The following RGS7BP variants were observed in gnomAD, a reference collection of about 807,000 sequenced individuals.
RGS7BP encodes regulator of G protein signaling 7 binding protein, also known as regulator of G protein signaling 7-binding protein.
RGS7BP carries 9 observed loss-of-function variants against 31.3 expected under a neutral mutation model. The ratio of observed to expected loss-of-function variants is 0.29; its 90% confidence interval spans 0.17 to 0.50. The LOEUF is 0.50. Among genes scored for constraint, RGS7BP ranks in the 20% least tolerant of loss-of-function variants. The pLI is 0.98. For synonymous variants in RGS7BP, 115 were observed against 120.1 expected (o/e 0.96, Z 0.28); for missense variants, 274 against 322.0 (o/e 0.85, Z 1.14).
intron 5 of RGS7BP, among the ~76,000 whole-genome samples, chr5:64,605,184 G>A (rs1239294157): frequency 6.6e-6 from 1 of 150,880 alleles, no homozygotes; most frequent in African/African-American, 2.4e-5. Flanking sequence ...ACTGTCTTAG[G>A]TTATAGTTTT....
chr5:64,561,005 G>A (rs961354147), intron 2 of RGS7BP, among the ~76,000 whole-genome samples: 1 of 152,086 alleles, frequency 6.6e-6, no homozygotes, highest in Non-Finnish European at 1.5e-5. Flanking sequence ...CCCAGTTCTT[G>A]CCATATCCTT....
At chr5:64,576,025 T>C in intron 3 of RGS7BP, 121 bp downstream of exon 3, 1 of 871,006 alleles carries the variant, frequency 1.1e-6, no homozygotes, top group Non-Finnish European at 1.7e-6. Flanking sequence ...TGAATTTAAA[T>C]GTTCAGGAAA....
chr5:64,534,833 G>A (rs561810423), intron 2 of RGS7BP, among the ~76,000 whole-genome samples: 12 of 152,212 alleles, frequency 7.9e-5, no homozygotes, highest in East Asian at 1.9e-4. Flanking sequence ...TAAAACTTTC[G>A]GACTGGATGA....
At chr5:64,561,065 A>T (rs981291539) in intron 2 of RGS7BP, among the ~76,000 whole-genome samples, 1 of 152,110 alleles carries the variant, frequency 6.6e-6, no homozygotes, top group African/African-American at 2.4e-5. Context: ...GCGGGGCAAG[A>T]GCACCCTGTT....
At chr5:64,598,050 A>G (rs1266889130) in intron 4 of RGS7BP, among the ~76,000 whole-genome samples, 1 of 152,124 alleles carries the variant, frequency 6.6e-6, no homozygotes, top group African/African-American at 2.4e-5. Flanking sequence ...TTGCAAATCT[A>G]AAGCACTGTC....
At chr5:64,515,942 G>A (rs1283012054) in intron 2 of RGS7BP, among the ~76,000 whole-genome samples, 1 of 151,944 alleles carries the variant, frequency 6.6e-6, no homozygotes, top group Non-Finnish European at 1.5e-5. Context: ...TGGGACTACA[G>A]GCATGCACTA....
At chr5:64,565,462 T>C (rs940164837) in intron 2 of RGS7BP, among the ~76,000 whole-genome samples, 5 of 152,256 alleles carry the variant, frequency 3.3e-5, no homozygotes, top group Non-Finnish European at 5.9e-5. Flanking sequence ...CCTTTCTACG[T>C]ATCTGCATAA....
intron 5 of RGS7BP, among the ~76,000 whole-genome samples, chr5:64,602,261 G>A (rs956973989): frequency 1.3e-5 from 2 of 152,192 alleles, no homozygotes; most frequent in South Asian, 2.1e-4. Context: ...CAAGGGCCTC[G>A]TAAAGACTTT....
chr5:64,597,984 C>T (rs78980432), intron 4 of RGS7BP, among the ~76,000 whole-genome samples: 2,975 of 152,270 alleles, frequency 0.02, 100 homozygotes, highest in African/African-American at 0.068. Context: ...CATCACCCAG[C>T]CTCAAGTTTG....
At position 64,591,592 on chromosome 5, in the gene RGS7BP, A is replaced by G. The variant is rs547957120; in HGVS notation, c.464-3118A>G. 2.0e-5 allele frequency among the ~76,000 whole-genome samples: 3 copies of G among 152,234 alleles called. 1 individual carries two copies. In the South Asian group the frequency reaches 6.2e-4, roughly 32 times the overall value. ...TTGGCAATATATATTAAAATTTAAA[A>G]TGTGCATACATATACTTTATCTCAG... On this transcript the variant is annotated intron_variant, in intron 3 of 5. Coordinates refer to ENST00000334025, the MANE Select transcript of RGS7BP (RefSeq NM_001029875.3).
chr5:64,586,414 G>A lies in RGS7BP; in HGVS notation c.464-8296G>A, dbSNP rs528812855. The stretch of plus-strand genomic sequence containing the variant: ...CCTTCCAGTTTTTTCCTCTGCCTTG[G>A]ACATATGACCCATCCTACCTCACCC... On this transcript the variant is annotated intron_variant, in intron 3 of 5. Transcript: ENST00000334025. Among the ~76,000 whole-genome samples, 145 of 152,132 alleles carry A rather than the reference G, an allele frequency of 9.5e-4. 1 individual carries two copies. Among genetic ancestry groups the A allele is most frequent in the African/African-American group, 3.2e-3 (134 of 41,490 alleles).
At chr5:64,603,601 G>A (rs564626080) in intron 5 of RGS7BP, among the ~76,000 whole-genome samples, 2 of 152,266 alleles carry the variant, frequency 1.3e-5, no homozygotes, top group Middle Eastern at 3.4e-3. Flanking sequence ...ATCAAAGAAG[G>A]TTGCAAAGAA....
At chr5:64,566,954 T>G (rs1370127891) in intron 2 of RGS7BP, among the ~76,000 whole-genome samples, 1 of 142,286 alleles carries the variant, frequency 7.0e-6, no homozygotes, top group Non-Finnish European at 1.5e-5. Context: ...TTAGATAAAC[T>G]GTCTCAAGCA....
At chr5:64,594,248 G>A (rs1742999641) in intron 3 of RGS7BP, among the ~76,000 whole-genome samples, 1 of 152,084 alleles carries the variant, frequency 6.6e-6, no homozygotes, top group Non-Finnish European at 1.5e-5. Context: ...ATGCTGAGAG[G>A]GCCAGTGTCT....
rs565846555 is a variant in RGS7BP, at chr5:64,570,342, C to G, written c.333-5432C>G. On this transcript the variant is annotated intron_variant, in intron 2 of 5. Coordinates refer to ENST00000334025, the MANE Select transcript of RGS7BP (RefSeq NM_001029875.3). ...TGAGATACTTCATATAGGTGTTATT[C>G]CAATTTTACAGCTGAGGAAACTGAG... Among the ~76,000 whole-genome samples the G allele has an allele frequency of 1.7e-4, 26 of 152,132 alleles. No homozygotes were observed. In the East Asian group the frequency reaches 4.3e-3, roughly 25 times the overall value.
chr5:64,606,039 T>TATAG lies in RGS7BP; in HGVS notation c.683-3121_683-3120insTAGA, dbSNP rs1423740473. On this transcript the variant is annotated intron_variant, in intron 5 of 5. Coordinates refer to ENST00000334025, the MANE Select transcript of RGS7BP (RefSeq NM_001029875.3). ...CTGGATACATATATATATATATATATAGAGAGAGAGAGAGAGAGAGAAGGC... is the reference window on the plus strand; with the variant it reads ...CTGGATACATATATATATATATATATATAGAGAGAGAGAGAGAGAGAGAGAAGGC... Among the ~76,000 whole-genome samples, 45 of 123,714 alleles carry TATAG rather than the reference T, an allele frequency of 3.6e-4. 1 individual carries two copies. The highest frequency in any genetic ancestry group is 1.2e-3 in the African/African-American group (38 of 32,314). The allele number at this position is 123,714 out of a possible 152,430, so 81.2% of individuals were successfully genotyped here.
chr5:64,610,038 T>C lies in RGS7BP; in HGVS notation c.*786T>C, dbSNP rs548736566. Reference sequence around the variant, plus strand: ...AGTAACATATACAATTGCCCTCAAATGTAAAATCAAATATTATTACATTTT... The same window carrying C: ...AGTAACATATACAATTGCCCTCAAACGTAAAATCAAATATTATTACATTTT... On this transcript the variant is annotated 3_prime_UTR_variant, in exon 6 of 6. Transcript: ENST00000334025. 3.6e-4 allele frequency: 55 copies of C among 152,570 alleles called. No individual in the cohort carries two copies. Among genetic ancestry groups the C allele is most frequent in the African/African-American group, 1.3e-3 (53 of 41,564 alleles). 9.5% of individuals were successfully genotyped at this position (152,570 alleles called of 1,614,324 possible).
intron 3 of RGS7BP, among the ~76,000 whole-genome samples, chr5:64,582,639 T>C (rs1742631428): frequency 6.6e-6 from 1 of 152,202 alleles, no homozygotes; most frequent in South Asian, 2.1e-4. Context: ...GCAGAGGAGA[T>C]GTAATCACAA....
intron 3 of RGS7BP, among the ~76,000 whole-genome samples, chr5:64,579,543 CAAAAAA>C (rs34003776): frequency 1.9e-5 from 1 of 53,310 alleles, no homozygotes; most frequent in African/African-American, 8.4e-5. Context: ...GACTCCATCT[CAAAAAA>C]AAAAAAAAAA....
Sources: allele counts gnomAD v4.1 joint callset (sites outside exome capture counted in the v4.1 genomes callset), GRCh38; gene constraint gnomAD v4.1.1; transcripts MANE v1.5; gene names NCBI Gene and HGNC (gene_info 2026-07-23, HGNC 2026-07-21).